Variants in GALNTL6 observed in about 807,000 individuals in gnomAD.
The protein encoded by GALNTL6 is polypeptide N-acetylgalactosaminyltransferase-like 6.
GALNTL6 carries 46 observed loss-of-function variants against 73.7 expected under a neutral mutation model. The observed-to-expected ratio is 0.62, with a 90% CI of 0.49 to 0.80. The LOEUF is 0.80. Among genes scored for constraint, GALNTL6 ranks in the 30% least tolerant of loss-of-function variants. The pLI is 0.00. For synonymous variants in GALNTL6, 259 were observed against 263.7 expected, an observed-to-expected ratio of 0.98 and a Z score of 0.17; for missense variants, 604 against 755.0, an observed-to-expected ratio of 0.80 and a Z score of 2.34.
At chr4:171,816,194 A>C (rs1410121724) in intron 2 of GALNTL6, 4 of 152,108 alleles carry the variant, frequency 2.6e-5, no homozygotes, top group Non-Finnish European at 5.9e-5. Context: ...GAAAGGCAAA[A>C]TTATTTTTTC....
At chr4:173,032,432 C>T (rs924053490) in intron 12 of GALNTL6, among the ~76,000 whole-genome samples, 4 of 146,250 alleles carry the variant, frequency 2.7e-5, no homozygotes, top group African/African-American at 5.1e-5. Context: ...GCCTCGGCGA[C>T]AGAGCGAGAC....
intron 5 of GALNTL6, among the ~76,000 whole-genome samples, chr4:172,776,055 C>T (rs1739055105): frequency 6.6e-6 from 1 of 152,146 alleles, no homozygotes; most frequent in African/African-American, 2.4e-5. Flanking sequence ...TGATTGCAGT[C>T]ACGTGAGACT....
chr4:172,042,864 TAAAAAAAAAAAAAA>T (rs397996272), intron 2 of GALNTL6, among the ~76,000 whole-genome samples: 1 of 44,400 alleles, frequency 2.3e-5, no homozygotes, highest in Non-Finnish European at 3.9e-5. Context: ...TCTTTAACAG[TAAAAAAAAAAAAAA>T]AAAAAAAAAA....
At chr4:172,606,590 A>G (rs2111036933) in intron 5 of GALNTL6, among the ~76,000 whole-genome samples, 1 of 140,004 alleles carries the variant, frequency 7.1e-6, no homozygotes, top group East Asian at 2.0e-4. Flanking sequence ...ATGTATATAT[A>G]TACACATATA....
intron 5 of GALNTL6, among the ~76,000 whole-genome samples, chr4:172,363,225 C>T (rs978747498): frequency 1.3e-5 from 2 of 152,014 alleles, no homozygotes; most frequent in Non-Finnish European, 2.9e-5. Flanking sequence ...ATAATGTTTT[C>T]ACTATCTGAA....
intron 2 of GALNTL6, among the ~76,000 whole-genome samples, chr4:172,163,254 C>T (rs189303872): frequency 1.3e-5 from 2 of 152,138 alleles, no homozygotes; most frequent in East Asian, 1.9e-4. Context: ...TCTAGCCTTA[C>T]GTGCAACAAA....
At chr4:172,274,425 G>A (rs749994400) in intron 3 of GALNTL6, among the ~76,000 whole-genome samples, 2 of 152,138 alleles carry the variant, frequency 1.3e-5, no homozygotes, top group African/African-American at 2.4e-5. Context: ...ATTGCCCACA[G>A]CAAACATATA....
At chr4:171,818,145 C>T (rs892915277) in intron 2 of GALNTL6, among the ~76,000 whole-genome samples, 1 of 151,642 alleles carries the variant, frequency 6.6e-6, no homozygotes, top group African/African-American at 2.4e-5. Flanking sequence ...AAATGCTCCT[C>T]TTCTCTTGTT....
intron 7 of GALNTL6, among the ~76,000 whole-genome samples, chr4:172,853,335 A>C (rs76404090): frequency 0.017 from 2,662 of 152,314 alleles, 78 homozygotes; most frequent in African/African-American, 0.06. Flanking sequence ...TTCAGCAAGA[A>C]GAGAGAAATT....
chr4:172,242,097 A>G (rs1455919567), intron 3 of GALNTL6, among the ~76,000 whole-genome samples: 1 of 152,158 alleles, frequency 6.6e-6, no homozygotes, highest in Non-Finnish European at 1.5e-5. Context: ...TTCTCCACGT[A>G]TAATTTTTTT....
chr4:172,637,396 A>G (rs982263481), intron 5 of GALNTL6, among the ~76,000 whole-genome samples: 1 of 152,198 alleles, frequency 6.6e-6, no homozygotes, highest in African/African-American at 2.4e-5. Flanking sequence ...GGAGGTTTCA[A>G]CCATTCCTGT....
At chr4:172,833,513 C>G (rs1742750146) in intron 7 of GALNTL6, among the ~76,000 whole-genome samples, 1 of 152,172 alleles carries the variant, frequency 6.6e-6, no homozygotes, top group Non-Finnish European at 1.5e-5. Context: ...GCTGCATCTC[C>G]TGGCTTTCCT....
intron 4 of GALNTL6, among the ~76,000 whole-genome samples, chr4:172,323,632 C>T (rs554147211): frequency 4.6e-4 from 70 of 152,046 alleles, no homozygotes; most frequent in Admixed American, 1.7e-3. Context: ...TCCTTTATAT[C>T]GATTTTTTAA....
At chr4:171,872,405 ATTTGAGG>A (rs1736162566) in intron 2 of GALNTL6, among the ~76,000 whole-genome samples, 1 of 152,240 alleles carries the variant, frequency 6.6e-6, no homozygotes, top group Admixed American at 6.5e-5. Context: ...GAAAAGTAAT[ATTTGAGG>A]TAAGATGCCT....
intron 5 of GALNTL6, among the ~76,000 whole-genome samples, chr4:172,467,855 TTTCTTTCTTTCC>T (rs1165615409): frequency 5.0e-5 from 7 of 138,936 alleles, no homozygotes; most frequent in Admixed American, 3.0e-4. Flanking sequence ...TCTTTCTTTC[TTTCTTTCTTTCC>T]TTCTTTCCTT....
intron 2 of GALNTL6, chr4:172,052,623 G>C: frequency 1.4e-6 from 1 of 739,160 alleles, no homozygotes; most frequent in Non-Finnish European, 2.2e-6. Flanking sequence ...CAGGACTTTA[G>C]GGTCACGTAG....
intron 2 of GALNTL6, among the ~76,000 whole-genome samples, chr4:172,146,024 A>G (rs896583624): frequency 3.3e-5 from 5 of 152,238 alleles, no homozygotes; most frequent in African/African-American, 1.2e-4. Context: ...TTTGTACACA[A>G]TGCTCTTGGC....
At chr4:172,344,517 C>T (rs951904929) in intron 4 of GALNTL6, among the ~76,000 whole-genome samples, 2 of 152,198 alleles carry the variant, frequency 1.3e-5, no homozygotes, top group Non-Finnish European at 2.9e-5. Context: ...AATCTTTCTG[C>T]TTCTACTCTT....
In GALNTL6 at chr4:171,961,714, C is replaced by T. The variant is rs192744986; in HGVS notation, c.138+146996C>T. Among the ~76,000 whole-genome samples the T allele has an allele frequency of 5.9e-5, 9 of 152,236 alleles. No individual in the cohort carries two copies. The East Asian group carries it at 1.5e-3, about 26-fold the overall frequency. ...ACAATTTAGGCTAACGTGCTTATTC[C>T]TGTAAAACCAACCAGTGGTCTCTAG... is the stretch of plus-strand genomic sequence containing the variant. On this transcript the variant is annotated intron_variant, in intron 2 of 12. Coordinates refer to ENST00000506823, the MANE Select transcript of GALNTL6 (RefSeq NM_001034845.3).
Sources: allele counts gnomAD v4.1 joint callset (sites outside exome capture counted in the v4.1 genomes callset), GRCh38; gene constraint gnomAD v4.1.1; transcripts MANE v1.5; gene names NCBI Gene and HGNC (gene_info 2026-07-23, HGNC 2026-07-21).